Variants in DMD observed in about 807,000 individuals in gnomAD.
DMD encodes dystrophin.
A neutral mutation model predicts 330.1 loss-of-function variants in DMD; 63 were observed. The ratio of observed to expected loss-of-function variants is 0.19; its 90% CI spans 0.16 to 0.24. DMD has a LOEUF of 0.24. Among genes scored for constraint, DMD ranks in the 10% least tolerant of loss-of-function variants. DMD has a pLI of 1.00. For missense variants in DMD, 3,344 were observed against 2,684.1 expected (o/e 1.25, Z -5.43); for synonymous variants, 1,223 against 959.8 (o/e 1.27, Z -5.07).
chrX:32,208,352 C>G (rs2097079677), intron 44 of DMD, among the ~76,000 whole-genome samples: 1 of 111,945 alleles, frequency 8.9e-6, no homozygotes, highest in African/African-American at 3.2e-5. Context: ...CTGTTCATTA[C>G]ATGCAAATGG....
chrX:32,632,945 C>G (rs772513861), intron 11 of DMD, among the ~76,000 whole-genome samples: 9 of 112,441 alleles, frequency 8.0e-5, no homozygotes, highest in African/African-American at 2.9e-4. Flanking sequence ...ACAAATTTTT[C>G]TAGCAAGTGG....
chrX:32,037,406 A>G (rs939624525), intron 44 of DMD, among the ~76,000 whole-genome samples: 4 of 112,313 alleles, frequency 3.6e-5, no homozygotes, highest in Non-Finnish European at 5.6e-5. Flanking sequence ...GGCAAGATTA[A>G]CTGATAGACA....
At chrX:31,208,694 C>T (rs926494394) in intron 65 of DMD, among the ~76,000 whole-genome samples, 4 of 111,634 alleles carry the variant, frequency 3.6e-5, no homozygotes, top group African/African-American at 3.3e-5. Context: ...AGTTGTTTTG[C>T]AACTCTTTTC....
chrX:32,276,177 G>A (rs1269113389), intron 43 of DMD, among the ~76,000 whole-genome samples: 1 of 112,373 alleles, frequency 8.9e-6, no homozygotes, highest in African/African-American at 3.2e-5. Context: ...GGGAATATTT[G>A]AACTAGCCCC....
At chrX:31,336,663 G>A (rs2057418783) in intron 61 of DMD, among the ~76,000 whole-genome samples, 1 of 112,035 alleles carries the variant, frequency 8.9e-6, no homozygotes, top group Non-Finnish European at 1.9e-5. Flanking sequence ...CCAATCAGAT[G>A]CTTTGTCTTG....
At chrX:33,165,922 G>C (rs1047651835) in intron 1 of DMD, among the ~76,000 whole-genome samples, 32 of 111,640 alleles carry the variant, frequency 2.9e-4, no homozygotes, top group African/African-American at 9.7e-4. Context: ...AGCTCTAGTG[G>C]AGCAGTAACT....
chrX:32,221,360 G>A (rs868184722), intron 43 of DMD, among the ~76,000 whole-genome samples: 1 of 87,577 alleles, frequency 1.1e-5, no homozygotes, highest in Non-Finnish European at 2.3e-5. Flanking sequence ...GAATAAATAA[G>A]TTAGTTATCT....
intron 7 of DMD, among the ~76,000 whole-genome samples, chrX:32,736,933 A>C (rs2068585399): frequency 9.0e-6 from 1 of 111,534 alleles, no homozygotes; most frequent in Admixed American, 9.5e-5. Context: ...AGAAAAAAAA[A>C]CTTAAAAATT....
At chrX:32,648,655 A>C (rs1316553022) in intron 9 of DMD, among the ~76,000 whole-genome samples, 2 of 112,180 alleles carry the variant, frequency 1.8e-5, no homozygotes, top group African/African-American at 6.5e-5. Flanking sequence ...CAAACCGACG[A>C]AAAAAGAAAT....
chrX:33,053,936 T>C (rs1429656204), intron 1 of DMD, among the ~76,000 whole-genome samples: 2 of 111,981 alleles, frequency 1.8e-5, no homozygotes, highest in Admixed American at 9.5e-5. Flanking sequence ...GAGCATCTTA[T>C]AGAATTCAGA....
chrX:31,326,158 G>A (rs1035706868), intron 61 of DMD, among the ~76,000 whole-genome samples: 1 of 110,476 alleles, frequency 9.1e-6, no homozygotes, highest in Non-Finnish European at 1.9e-5. Flanking sequence ...TAAGCAGCGA[G>A]AGACAGAGGA....
chrX:31,696,305 G>A (rs2083447833), intron 52 of DMD, among the ~76,000 whole-genome samples: 1 of 111,781 alleles, frequency 8.9e-6, no homozygotes, highest in East Asian at 2.8e-4. Flanking sequence ...AGTAAGAAAA[G>A]TGAACAATCC....
At chrX:32,347,225 A>G (rs1212612756) in intron 38 of DMD, among the ~76,000 whole-genome samples, 3 of 111,543 alleles carry the variant, frequency 2.7e-5, no homozygotes, top group African/African-American at 9.8e-5. Flanking sequence ...ATAGTCTGTA[A>G]AAGACTTTAC....
At chrX:32,667,914 C>G (rs1171073409) in intron 9 of DMD, among the ~76,000 whole-genome samples, 1 of 108,485 alleles carries the variant, frequency 9.2e-6, no homozygotes, top group Admixed American at 9.8e-5. Context: ...CCGAGGCGGG[C>G]GGATCACCTA....
chrX:32,772,259 C>T (rs1270283312), intron 7 of DMD, among the ~76,000 whole-genome samples: 1 of 112,750 alleles, frequency 8.9e-6, no homozygotes, highest in African/African-American at 3.2e-5. Flanking sequence ...TTACATCCCA[C>T]AAGATGAATC....
At chrX:32,673,462 C>T (rs1393611156) in intron 9 of DMD, among the ~76,000 whole-genome samples, 29 of 111,473 alleles carry the variant, frequency 2.6e-4, no homozygotes, top group African/African-American at 9.4e-4. Context: ...ATAGCTTTGT[C>T]TGAAGAAGCC....
chrX:33,079,158 G>C (rs191644325), intron 1 of DMD, among the ~76,000 whole-genome samples: 89 of 111,638 alleles, frequency 8.0e-4, no homozygotes, highest in African/African-American at 2.6e-3. Flanking sequence ...GGTCTCCCGA[G>C]TAGCTGGGAT....
At chrX:32,117,465 T>C (rs888605535) in intron 44 of DMD, among the ~76,000 whole-genome samples, 1 of 112,077 alleles carries the variant, frequency 8.9e-6, no homozygotes, top group Non-Finnish European at 1.9e-5. Context: ...CCTCCCTAGT[T>C]TTCAAGTCTT....
Position 33,020,290 on chromosome X carries a change from G to A in DMD, c.32-90C>T, listed in dbSNP as rs2093888791. 9.4e-6 allele frequency: 6 copies of A among 636,233 alleles called. No homozygotes were observed. The Middle Eastern group carries it at 2.1e-3, about 222-fold the overall frequency. The allele number at this position is 636,233 out of a possible 1,213,427, so 52.4% of individuals were successfully genotyped here. On this transcript the variant is annotated intron_variant, in intron 1 of 78. Coordinates refer to ENST00000357033, the MANE Select transcript of DMD (RefSeq NM_004006.3). The stretch of plus-strand genomic sequence containing the variant: ...CCAAAGTAACTTTCCATTATGATGT[G>A]TTAGTGTTTTTTTACATTTAGTATT...
Sources: allele counts gnomAD v4.1 joint callset (sites outside exome capture counted in the v4.1 genomes callset), GRCh38; gene constraint gnomAD v4.1.1; transcripts MANE v1.5; gene names NCBI Gene and HGNC (gene_info 2026-07-23, HGNC 2026-07-21).